Variants in FAM184A observed in about 807,000 individuals in gnomAD.
The protein encoded by FAM184A is protein FAM184A.
In FAM184A, 99 loss-of-function variants were observed where a neutral mutation model predicts 143.8. The ratio of observed to expected loss-of-function variants is 0.69; its 90% CI spans 0.58 to 0.81. The LOEUF is 0.81. FAM184A is among the 40% of genes least tolerant of loss of function. FAM184A has a pLI of 0.00. For missense variants in FAM184A, 1,217 were observed against 1,310.5 expected (o/e 0.93, Z 1.10); for synonymous variants, 427 against 446.4 (o/e 0.96, Z 0.55).
chr6:119,086,719 C>T (rs769810110), intron 1 of FAM184A, among the ~76,000 whole-genome samples: 72 of 152,254 alleles, frequency 4.7e-4, no homozygotes, highest in African/African-American at 1.4e-3. Flanking sequence ...AAGACAATCA[C>T]GAGCCATTGG....
chr6:119,081,289 C>T (rs1304452267), upstream of FAM184A, among the ~76,000 whole-genome samples: 1 of 152,134 alleles, frequency 6.6e-6, no homozygotes, highest in African/African-American at 2.4e-5. Flanking sequence ...GGGGAAGCCA[C>T]CCCCATGATC....
chr6:119,057,375 T>C (rs1787023108), intron 1 of FAM184A, among the ~76,000 whole-genome samples: 1 of 152,224 alleles, frequency 6.6e-6, no homozygotes, highest in Admixed American at 6.5e-5. Flanking sequence ...TATCTAAGAA[T>C]TCCTTTGTTT....
intron 15 of FAM184A, among the ~76,000 whole-genome samples, chr6:118,966,594 T>A (rs1370027986): frequency 6.6e-6 from 1 of 152,146 alleles, no homozygotes; most frequent in African/African-American, 2.4e-5. Flanking sequence ...AAACATTCAA[T>A]ATGTATCAAA....
chr6:118,986,261 C>G (rs1448778550), intron 9 of FAM184A, among the ~76,000 whole-genome samples: 1 of 152,136 alleles, frequency 6.6e-6, no homozygotes, highest in Non-Finnish European at 1.5e-5. Flanking sequence ...CCACTGCACT[C>G]CAGCCTGGGC....
chr6:119,121,006 T>C (rs185982274), intron 1 of FAM184A, among the ~76,000 whole-genome samples: 6 of 151,742 alleles, frequency 4.0e-5, no homozygotes, highest in African/African-American at 1.5e-4. Flanking sequence ...GATGAAGTCT[T>C]GATATGATGC....
At chr6:119,034,043 G>T (rs2782572) in intron 1 of FAM184A, among the ~76,000 whole-genome samples, 1,323 of 23,074 alleles carry the variant, frequency 0.057, 7 homozygotes, top group Middle Eastern at 0.087. Flanking sequence ...TATATATATA[G>T]AGAGAGAGAG....
At chr6:119,097,512 G>T (rs1346770266) in intron 1 of FAM184A, among the ~76,000 whole-genome samples, 1 of 152,204 alleles carries the variant, frequency 6.6e-6, no homozygotes, top group African/African-American at 2.4e-5. Flanking sequence ...TTGGGAGGTT[G>T]TGATACTATT....
intron 3 of FAM184A, among the ~76,000 whole-genome samples, chr6:119,021,254 A>T (rs575130951): frequency 6.6e-6 from 1 of 152,334 alleles, no homozygotes; most frequent in Non-Finnish European, 1.5e-5. Context: ...AAGCCAATCA[A>T]AATCAAATGA....
chr6:118,989,178 G>A (rs570791199), intron 9 of FAM184A, among the ~76,000 whole-genome samples: 52 of 151,840 alleles, frequency 3.4e-4, no homozygotes, highest in African/African-American at 1.2e-3. Flanking sequence ...AGCCAGGATG[G>A]TCTTGATCTC....
chr6:118,974,646 C>G, intron 13 of FAM184A, 72 bp from the exon 14 acceptor site: 3 of 1,313,126 alleles, frequency 2.3e-6, no homozygotes, highest in Non-Finnish European at 3.1e-6. Context: ...ATTATTCTAC[C>G]AGATTTGAAA....
intron 1 of FAM184A, among the ~76,000 whole-genome samples, chr6:119,123,182 A>G (rs1386465774): frequency 1.3e-5 from 2 of 151,814 alleles, no homozygotes; most frequent in Non-Finnish European, 2.9e-5. Context: ...GAGGTCAGAA[A>G]TTTTGAGACC....
At chr6:118,992,245 G>A (rs1177880272) in intron 9 of FAM184A, among the ~76,000 whole-genome samples, 4 of 152,140 alleles carry the variant, frequency 2.6e-5, no homozygotes, top group Non-Finnish European at 5.9e-5. Context: ...ATATGTTTTG[G>A]AGGTGGAATA....
chr6:119,038,789 C>T (rs1439080537), intron 1 of FAM184A, among the ~76,000 whole-genome samples: 1 of 152,156 alleles, frequency 6.6e-6, no homozygotes, highest in Non-Finnish European at 1.5e-5. Flanking sequence ...TCCAGGAACC[C>T]TCTCTTGGGG....
intron 9 of FAM184A, among the ~76,000 whole-genome samples, chr6:118,988,954 A>ATTTTTTT (rs71556820): frequency 8.9e-6 from 1 of 112,062 alleles, no homozygotes; most frequent in Non-Finnish European, 1.8e-5. Context: ...TCTGGACATG[A>ATTTTTTT]TTTTTTTTTT....
chr6:118,984,087 T>C (rs1784104009), intron 9 of FAM184A, among the ~76,000 whole-genome samples: 1 of 146,000 alleles, frequency 6.8e-6, no homozygotes, highest in African/African-American at 2.5e-5. Flanking sequence ...GAGGCAGAGG[T>C]TGCAGTGAGC....
chr6:118,970,008 A>ATATATATTTTATATATATATATATATTTT, intron 14 of FAM184A, among the ~76,000 whole-genome samples: 1 of 19,046 alleles, frequency 5.3e-5, no homozygotes, highest in African/African-American at 1.5e-4. Context: ...ATATATATAT[A>ATATATATTTTATATATATATATATATTTT]TTTTTTTTTT....
chr6:119,107,208 T>C (rs1788809841), intron 1 of FAM184A, among the ~76,000 whole-genome samples: 2 of 152,356 alleles, frequency 1.3e-5, no homozygotes, highest in African/African-American at 2.4e-5. Context: ...TGGAAACTTA[T>C]GTTCATACAC....
chr6:119,109,438 T>C (rs1332624339), intron 1 of FAM184A, among the ~76,000 whole-genome samples: 3 of 152,192 alleles, frequency 2.0e-5, no homozygotes, highest in African/African-American at 7.2e-5. Flanking sequence ...TTTCTCCAAG[T>C]CTTTCATTTC....
intron 1 of FAM184A, among the ~76,000 whole-genome samples, chr6:119,058,384 G>A (rs956947874): frequency 6.6e-6 from 1 of 151,592 alleles, no homozygotes; most frequent in Non-Finnish European, 1.5e-5. Context: ...TGTGTTTTTA[G>A]TAGAGATGGG....
Sources: gnomAD v4.1 joint callset for allele counts (sites outside exome capture counted in the v4.1 genomes callset) on GRCh38, gnomAD v4.1.1 for gene constraint, MANE v1.5 for transcripts, NCBI Gene and HGNC (gene_info 2026-07-23, HGNC 2026-07-21) for gene names.